The following LAMA2 variants were observed in gnomAD, a reference collection of about 807,000 sequenced individuals.
LAMA2 encodes laminin subunit alpha-2.
LAMA2 carries 269 observed loss-of-function variants against 364.8 expected under a neutral mutation model. The observed-to-expected ratio is 0.74, with a 90% CI of 0.67 to 0.82. LAMA2 has a LOEUF of 0.82. Ranked by LOEUF, LAMA2 falls within the 40% of genes least tolerant of loss-of-function variation. LAMA2 has a pLI of 0.00. For missense variants in LAMA2, 3,807 were observed against 3,873.2 expected, an observed-to-expected ratio of 0.98 and a Z score of 0.45; for synonymous variants, 1,379 against 1,370.6, an observed-to-expected ratio of 1.01 and a Z score of -0.14.
At chr6:129,050,985 C>T (rs1436216042) in intron 2 of LAMA2, among the ~76,000 whole-genome samples, 1 of 151,960 alleles carries the variant, frequency 6.6e-6, no homozygotes, top group Non-Finnish European at 1.5e-5. Context: ...ACACATAACC[C>T]CTGATTCAGA....
intron 4 of LAMA2, among the ~76,000 whole-genome samples, chr6:129,137,714 T>C (rs1377830936): frequency 1.3e-5 from 2 of 152,132 alleles, no homozygotes; most frequent in Non-Finnish European, 2.9e-5. Context: ...AGCTAATTCA[T>C]TGGAAGCTCT....
rs571455664 is a variant in LAMA2 at position 128,918,384 on chromosome 6, A to C, written c.112+35027A>C. On this transcript the variant is annotated intron_variant, in intron 1 of 64. Transcript: ENST00000421865. ...CCATTCATGGTTGTGTTTATCTGAA[A>C]ACCTAATACATTTTTATCATAAAAA... Among the ~76,000 whole-genome samples, 8 of 152,182 alleles carry C rather than the reference A, an allele frequency of 5.3e-5. No individual in the cohort carries two copies. The East Asian group carries it at 1.5e-3, about 29-fold the overall frequency.
intron 3 of LAMA2, among the ~76,000 whole-genome samples, chr6:129,088,889 G>T (rs550066918): frequency 9.2e-5 from 14 of 151,896 alleles, no homozygotes; most frequent in Non-Finnish European, 7.4e-5. Flanking sequence ...AGGCAGAGAC[G>T]CTCCTCACTT....
chr6:129,174,719 G>T (rs1178704041), intron 9 of LAMA2, among the ~76,000 whole-genome samples: 1 of 152,112 alleles, frequency 6.6e-6, no homozygotes, highest in East Asian at 1.9e-4. Context: ...TTTAAAGAAT[G>T]ACGTAAGCTT....
rs1784313376 is a variant in LAMA2 at position 129,480,932 on chromosome 6, C to G, written c.7573-331C>G. On this transcript the variant is annotated intron_variant, in intron 54 of 64. Coordinates refer to ENST00000421865, the MANE Select transcript of LAMA2 (RefSeq NM_000426.4). Reference sequence around the variant, plus strand: ...CCTAGACATGTACCTGCTTGTGTGTCAGTTTGACTTAAATCTTTGGTTTAA... The same window carrying G: ...CCTAGACATGTACCTGCTTGTGTGTGAGTTTGACTTAAATCTTTGGTTTAA... Among the ~76,000 whole-genome samples, 3 of 151,602 alleles carry G rather than the reference C, an allele frequency of 2.0e-5. No individual in the cohort carries two copies. The South Asian group carries it at 6.3e-4, about 32-fold the overall frequency.
At chr6:129,490,811 CT>C (rs1784822042) in intron 56 of LAMA2, 1 of 152,182 alleles carries the variant, frequency 6.6e-6, no homozygotes, top group South Asian at 2.1e-4. Flanking sequence ...TCATTTCCCC[CT>C]ATTTTCTCTT....
intron 3 of LAMA2, among the ~76,000 whole-genome samples, chr6:129,077,639 T>A (rs1306107008): frequency 6.6e-6 from 1 of 152,226 alleles, no homozygotes. Flanking sequence ...CGAATATGTA[T>A]TACAGAGAAC....
In LAMA2 at chr6:129,445,727, A is replaced by G; in HGVS notation, c.6335A>G (p.Lys2112Arg). ...LEQEADRLIDKLKPIKELEDN... is the reference protein window; with the variant it reads ...LEQEADRLIDRLKPIKELEDN... ...CAGGAAGCTGACCGGCTAATAGATA[A>G]ACTCAAACCCATCAAGGAACTTGAG... Residue 2112 changes from lysine (K) to arginine (R), a missense_variant, in exon 45 of 65, where the codon AAA becomes AGA. Transcript: ENST00000421865. The G allele has an allele frequency of 6.2e-7, 1 of 1,613,890 alleles. No homozygotes were observed. The highest frequency in any genetic ancestry group is 2.2e-5 in the East Asian group (1 of 44,844).
chr6:129,330,782 C>T (rs1244629686), intron 29 of LAMA2, among the ~76,000 whole-genome samples: 1 of 151,788 alleles, frequency 6.6e-6, no homozygotes, highest in Non-Finnish European at 1.5e-5. Context: ...TGCTTTGCAA[C>T]GCTCATTTCC....
Position 129,443,067 on chromosome 6 carries a change from C to T in LAMA2, c.6273C>T (p.Ile2091=). The T allele has an allele frequency of 6.3e-7, 1 of 1,592,950 alleles. No individual in the cohort carries two copies. Among genetic ancestry groups the T allele is most frequent in the East Asian group, 2.2e-5 (1 of 44,456 alleles). ...AVVKDPSKNK[I]IADADATVKN... is the part of the protein sequence containing the mutation. ...TCCATGTGAAATTGCCTGCAGAAAT[C>T]AGTACGTATATGTTTACTTATATAC... Residue 2091 remains isoleucine (I), a splice_region_variant and synonymous_variant, in exon 44 of 65, where the codon ATC becomes ATT. Coordinates refer to ENST00000421865, the MANE Select transcript of LAMA2 (RefSeq NM_000426.4).
chr6:129,112,184 C>T (rs1360752666), intron 4 of LAMA2, among the ~76,000 whole-genome samples: 1 of 151,800 alleles, frequency 6.6e-6, no homozygotes, highest in Non-Finnish European at 1.5e-5. Flanking sequence ...GCTAAAAATT[C>T]TTAGATTATG....
intron 9 of LAMA2, among the ~76,000 whole-genome samples, chr6:129,168,681 G>GT (rs1375800685): frequency 6.9e-6 from 1 of 143,964 alleles, no homozygotes; most frequent in African/African-American, 2.6e-5. Flanking sequence ...CTTTAAAGTA[G>GT]TTTTTTCCAA....
intron 12 of LAMA2, among the ~76,000 whole-genome samples, chr6:129,230,644 A>G (rs1435609625): frequency 6.6e-6 from 1 of 152,146 alleles, no homozygotes; most frequent in African/African-American, 2.4e-5. Context: ...CATGGACCAG[A>G]CAGCATTAGG....
intron 31 of LAMA2, among the ~76,000 whole-genome samples, chr6:129,352,127 C>T (rs758279139): frequency 6.6e-6 from 1 of 152,186 alleles, no homozygotes; most frequent in African/African-American, 2.4e-5. Flanking sequence ...ATATATAAAA[C>T]TTGTTGTCCA....
intron 3 of LAMA2, among the ~76,000 whole-genome samples, chr6:129,078,603 A>AC (rs1562218786): frequency 2.0e-5 from 3 of 152,186 alleles, no homozygotes; most frequent in African/African-American, 7.2e-5. Flanking sequence ...CCATATTATC[A>AC]CTTATGGTTA....
intron 10 of LAMA2, among the ~76,000 whole-genome samples, chr6:129,185,346 G>C (rs1464151970): frequency 1.3e-5 from 2 of 151,738 alleles, no homozygotes; most frequent in Non-Finnish European, 2.9e-5. Context: ...CAACACAATA[G>C]TATCTCACTT....
At chr6:129,228,125 G>A (rs184875546) in intron 12 of LAMA2, among the ~76,000 whole-genome samples, 84 of 152,290 alleles carry the variant, frequency 5.5e-4, no homozygotes, top group East Asian at 1.4e-3. Context: ...GGGACCCTCC[G>A]AGCCAGGTGT....
chr6:129,202,898 T>C (rs1782394881), intron 12 of LAMA2, among the ~76,000 whole-genome samples: 1 of 152,146 alleles, frequency 6.6e-6, no homozygotes, highest in African/African-American at 2.4e-5. Context: ...CAGATGGAAA[T>C]TTACTCCTAC....
intron 58 of LAMA2, among the ~76,000 whole-genome samples, chr6:129,497,154 AATG>A (rs1240445522): frequency 1.3e-5 from 2 of 152,238 alleles, no homozygotes; most frequent in Admixed American, 6.5e-5. Context: ...TTTGATATGT[AATG>A]ATGATATATA....
Sources: gnomAD v4.1 joint callset for allele counts (sites outside exome capture counted in the v4.1 genomes callset) on GRCh38, gnomAD v4.1.1 for gene constraint, MANE v1.5 for transcripts, NCBI Gene and HGNC (gene_info 2026-07-23, HGNC 2026-07-21) for gene names.